Variants in SCARB1 observed in about 807,000 individuals in gnomAD.
The protein encoded by SCARB1 is CD36 and LIMPII analogous 1.
A neutral mutation model predicts 57.2 loss-of-function variants in SCARB1; 30 were observed. The ratio of observed to expected loss-of-function variants is 0.52; its 90% CI spans 0.39 to 0.71. SCARB1 has a LOEUF of 0.71. Among genes scored for constraint, SCARB1 ranks in the 30% least tolerant of loss-of-function variants. SCARB1 has a pLI of 0.00. For synonymous variants in SCARB1, 249 were observed against 268.3 expected (o/e 0.93, Z 0.70); for missense variants, 543 against 671.2 (o/e 0.81, Z 2.11).
chr12:124,856,404 G>A (rs577275536), intron 1 of SCARB1, among the ~76,000 whole-genome samples: 16 of 152,310 alleles, frequency 1.1e-4, no homozygotes, highest in Admixed American at 4.6e-4. Flanking sequence ...ACCAACACAC[G>A]TGTGTGCAAA....
chr12:124,786,978 C>A (rs1566135889), intron 10 of SCARB1, among the ~76,000 whole-genome samples: 1 of 152,052 alleles, frequency 6.6e-6, no homozygotes, highest in African/African-American at 2.4e-5. Context: ...GGGCAAGAAA[C>A]AATAAATACA....
At chr12:124,841,817 C>T (rs1828677750) in intron 1 of SCARB1, among the ~76,000 whole-genome samples, 1 of 152,196 alleles carries the variant, frequency 6.6e-6, no homozygotes, top group African/African-American at 2.4e-5. Context: ...AGCTCACCTG[C>T]CTCGTCCCCT....
At position 124,817,353 on chromosome 12, in the gene SCARB1, TAAAAAAAAAAAAA is replaced by T. The variant is rs60063887; in HGVS notation, c.284+184_284+196del. Among the ~76,000 whole-genome samples the T allele has an allele frequency of 2.9e-5, 2 of 68,772 alleles. No individual in the cohort carries two copies. The highest frequency in any genetic ancestry group is 5.3e-5 in the Non-Finnish European group (2 of 37,542). 45.1% of individuals were successfully genotyped at this position (68,772 alleles called of 152,430 possible). On this transcript the variant is annotated intron_variant, in intron 2 of 12. Transcript: ENST00000261693. This position sits in a 1 kb window ranked among gnomAD's most constrained non-coding sequence, Gnocchi z 4.8. ...GGGCAACATAGCAAGATCCCATCTC[TAAAAAAAAAAAAA>T]AAAAAAAAAAAAACCCTAAAACAAA...
chr12:124,859,548 A>T (rs1286812335), intron 1 of SCARB1, among the ~76,000 whole-genome samples: 1 of 145,054 alleles, frequency 6.9e-6, no homozygotes, highest in East Asian at 2.1e-4. Flanking sequence ...AAAAAAAAAA[A>T]TAGCATTACA....
chr12:124,822,045 G>A lies in SCARB1; in HGVS notation c.127-4338C>T, dbSNP rs572938962. Among the ~76,000 whole-genome samples, 7 of 152,248 alleles carry A rather than the reference G, an allele frequency of 4.6e-5. No homozygotes were observed. The South Asian group carries it at 1.4e-3, about 32-fold the overall frequency. On this transcript the variant is annotated intron_variant, in intron 1 of 12. Coordinates refer to ENST00000261693, the MANE Select transcript of SCARB1 (RefSeq NM_005505.5). The surrounding 1 kb of genome is among the most constrained non-coding windows in gnomAD (Gnocchi z 5.0). ...GTTGGACGCCACTCCCTCCCATCTG[G>A]CGAAATAGACCCTTTGAGCCCAGGA... is the stretch of plus-strand genomic sequence containing the variant.
chr12:124,813,201 C>T (rs1950583692), intron 4 of SCARB1, among the ~76,000 whole-genome samples: 1 of 152,182 alleles, frequency 6.6e-6, no homozygotes, highest in African/African-American at 2.4e-5. Context: ...AGGAAGTGGA[C>T]ATTGGTTTTC....
intron 1 of SCARB1, among the ~76,000 whole-genome samples, chr12:124,859,788 A>T (rs922828433): frequency 6.6e-6 from 1 of 152,196 alleles, no homozygotes; most frequent in Non-Finnish European, 1.5e-5. Context: ...TGGGTAACAT[A>T]GTGAGACCTT....
At chr12:124,779,922 C>A (rs761184400) in intron 12 of SCARB1, among the ~76,000 whole-genome samples, 21 of 152,210 alleles carry the variant, frequency 1.4e-4, no homozygotes, top group Non-Finnish European at 1.5e-4. Context: ...ACTGAGGCAG[C>A]ACAGGACACC....
Position 124,817,367 on chromosome 12 carries a change from A to C in SCARB1, c.284+183T>G, listed in dbSNP as rs1410237676. 4.1e-4 allele frequency among the ~76,000 whole-genome samples: 62 copies of C among 150,922 alleles called. 1 individual carries two copies. Among genetic ancestry groups the C allele is most frequent in the African/African-American group, 1.3e-3 (55 of 41,144 alleles). On this transcript the variant is annotated intron_variant, in intron 2 of 12. Coordinates refer to ENST00000261693, the MANE Select transcript of SCARB1 (RefSeq NM_005505.5). This position sits in a 1 kb window ranked among gnomAD's most constrained non-coding sequence, Gnocchi z 4.8. ...GATCCCATCTCTAAAAAAAAAAAAAAAAAAAAAAAAAACCCTAAAACAAAA... is the reference window on the plus strand; with the variant it reads ...GATCCCATCTCTAAAAAAAAAAAAACAAAAAAAAAAAACCCTAAAACAAAA...
intron 1 of SCARB1, among the ~76,000 whole-genome samples, chr12:124,855,996 G>A (rs530288433): frequency 1.3e-5 from 2 of 152,364 alleles, no homozygotes; most frequent in African/African-American, 4.8e-5. Flanking sequence ...CCAGGGTAAG[G>A]CGATTCCAGG....
chr12:124,818,863 G>A (rs766069560), intron 1 of SCARB1, among the ~76,000 whole-genome samples: 34 of 152,170 alleles, frequency 2.2e-4, no homozygotes, highest in Admixed American at 5.2e-4. Flanking sequence ...GTTTCACCAC[G>A]TTGGCCAGGC....
Position 124,782,688 on chromosome 12 carries a change from G to C in SCARB1, c.1525C>G (p.Leu509Val). ...PKGSVLQEAK[L>V] ...CGGCATTACCTGGTACCCACCTACA[G>C]TTTTGCTTCCTGCAGCACAGAGCCC... The change falls in exon 12 of 13, where the codon CTG becomes GTG. Residue 509 changes from leucine to valine, a missense_variant. Transcript: ENST00000261693. 1 of 1,614,028 alleles carries C rather than the reference G, an allele frequency of 6.2e-7. No homozygotes were observed. Among genetic ancestry groups the C allele is most frequent in the Non-Finnish European group, 8.5e-7 (1 of 1,179,960 alleles).
chr12:124,808,537 G>A (rs1034440266), intron 6 of SCARB1, among the ~76,000 whole-genome samples: 2 of 152,148 alleles, frequency 1.3e-5, no homozygotes, highest in African/African-American at 4.8e-5. Context: ...CCTAAGAACA[G>A]TCTCCTCTGG....
intron 1 of SCARB1, among the ~76,000 whole-genome samples, chr12:124,837,531 A>G (rs1288536045): frequency 0.026 from 2,344 of 89,932 alleles, 185 homozygotes; most frequent in East Asian, 0.16. Context: ...AAGGAAAGAA[A>G]AAGAAAGAAA....
chr12:124,861,389 A>C (rs7297879), intron 1 of SCARB1, among the ~76,000 whole-genome samples: 13,021 of 152,052 alleles, frequency 0.086, 664 homozygotes, highest in Middle Eastern at 0.24. Flanking sequence ...AAAACTTTTC[A>C]TCTGCAGTTG....
chr12:124,853,265 T>C (rs1245031695), intron 1 of SCARB1, among the ~76,000 whole-genome samples: 1 of 152,044 alleles, frequency 6.6e-6, no homozygotes, highest in Admixed American at 6.5e-5. Context: ...GCCTGTGAGG[T>C]TGCAGTGGGG....
intron 8 of SCARB1, among the ~76,000 whole-genome samples, chr12:124,797,869 T>C (rs1949998670): frequency 6.6e-6 from 1 of 152,188 alleles, no homozygotes; most frequent in Non-Finnish European, 1.5e-5. Context: ...GGGAAGGGCC[T>C]AAGGTGCACA....
At chr12:124,811,569 C>T (rs1030703928) in intron 5 of SCARB1, among the ~76,000 whole-genome samples, 13 of 152,300 alleles carry the variant, frequency 8.5e-5, no homozygotes, top group African/African-American at 2.9e-4. Flanking sequence ...CTACCACGCC[C>T]GGCCTTCAAA....
At chr12:124,820,752 T>C (rs1485377664) in intron 1 of SCARB1, among the ~76,000 whole-genome samples, 1 of 151,618 alleles carries the variant, frequency 6.6e-6, no homozygotes, top group African/African-American at 2.4e-5. Context: ...GTTCGGGGAG[T>C]AGAGCACGAA....
Sources: allele counts gnomAD v4.1 joint callset (sites outside exome capture counted in the v4.1 genomes callset), GRCh38; gene constraint gnomAD v4.1.1; non-coding constraint Gnocchi (gnomAD v3.1); transcripts MANE v1.5; gene names NCBI Gene and HGNC (gene_info 2026-07-23, HGNC 2026-07-21).